Variants in SHB observed in about 807,000 individuals in gnomAD.
SHB encodes the protein SH2 domain containing adaptor protein B, also known as SH2 domain-containing adapter protein B.
Under a neutral mutation model 52.3 loss-of-function variants are expected in SHB, and 20 were observed. That is an observed-to-expected ratio of 0.38 (90% confidence interval 0.27 to 0.56). The LOEUF (loss-of-function observed/expected upper bound fraction) is 0.56, where lower values mean the gene tolerates loss of function less well. SHB is among the 20% of genes least tolerant of loss of function. The pLI is 0.71. For missense variants in SHB, 825 were observed against 723.3 expected (o/e 1.14, Z -1.61); for synonymous variants, 397 against 316.5 (o/e 1.25, Z -2.70).
At position 37,917,560 on chromosome 9, in the gene SHB, G is replaced by A. The variant is rs1228101186; in HGVS notation, c.*2261C>T. Among the ~76,000 whole-genome samples the A allele has an allele frequency of 4.6e-5, 7 of 152,336 alleles. No homozygotes were observed. The highest frequency in any genetic ancestry group is 1.4e-4 in the African/African-American group (6 of 41,580). On this transcript the variant is annotated 3_prime_UTR_variant, in exon 6 of 6. Transcript: ENST00000377707. ...GGTCTCACCCTCCTCCCCCGCCGGA[G>A]GGTTGTTCCCCCTCTTCCTCAGCCT... is the stretch of plus-strand genomic sequence containing the variant.
rs141120792 is a variant in SHB, at chr9:38,057,339, T to C, written c.717+10590A>G. ...ATATATATATGCAATGAAAAATGGCTAGATGAAAAAGTAGTAAAATGTTAA... is the reference window on the plus strand; with the variant it reads ...ATATATATATGCAATGAAAAATGGCCAGATGAAAAAGTAGTAAAATGTTAA... On this transcript the variant is annotated intron_variant, in intron 1 of 5. Coordinates refer to ENST00000377707, the MANE Select transcript of SHB (RefSeq NM_003028.3). 3.7e-4 allele frequency among the ~76,000 whole-genome samples: 56 copies of C among 152,308 alleles called. 1 individual carries two copies. The East Asian group carries it at 9.4e-3, about 26-fold the overall frequency.
chr9:37,939,223 GCAT>G (rs1480180815), intron 5 of SHB, among the ~76,000 whole-genome samples: 1 of 152,212 alleles, frequency 6.6e-6, no homozygotes, highest in African/African-American at 2.4e-5. Flanking sequence ...GATAGTCTCA[GCAT>G]CATCAGCCTA....
At chr9:38,011,172 A>C (rs1459323758) in intron 2 of SHB, among the ~76,000 whole-genome samples, 1 of 152,124 alleles carries the variant, frequency 6.6e-6, no homozygotes, top group African/African-American at 2.4e-5. Flanking sequence ...TGGGATCAAG[A>C]CCTGGGGAAG....
chr9:37,941,270 T>C (rs111853903), intron 5 of SHB, among the ~76,000 whole-genome samples: 10 of 152,344 alleles, frequency 6.6e-5, no homozygotes, highest in African/African-American at 2.2e-4. Flanking sequence ...TAAAGACATT[T>C]GAGCTACCAC....
In SHB at chr9:37,982,492, C is replaced by CA. The variant is rs762504251; in HGVS notation, c.839-7656dup. Reference sequence around the variant, plus strand: ...GGGGCAAAAGAGCAAAACTCCGTCTCAAAAAAAATGGATAAGTAGGCCGGG... The same window carrying CA: ...GGGGCAAAAGAGCAAAACTCCGTCTCAAAAAAAAATGGATAAGTAGGCCGGG... On this transcript the variant is annotated intron_variant, in intron 2 of 5. Transcript: ENST00000377707. Among the ~76,000 whole-genome samples, 11 of 151,426 alleles carry CA rather than the reference C, an allele frequency of 7.3e-5. No homozygotes were observed. In the East Asian group the frequency reaches 1.7e-3, roughly 24 times the overall value.
chr9:37,996,608 GT>G (rs2118028457), intron 2 of SHB, among the ~76,000 whole-genome samples: 1 of 152,332 alleles, frequency 6.6e-6, no homozygotes, highest in South Asian at 2.1e-4. Flanking sequence ...CAGACACAGA[GT>G]GTCCACTGAT....
chr9:37,955,627 G>A (rs1832621175), intron 4 of SHB, among the ~76,000 whole-genome samples: 1 of 151,038 alleles, frequency 6.6e-6, no homozygotes, highest in Admixed American at 6.6e-5. Flanking sequence ...ACAGGTGCAT[G>A]CCATCATACC....
In SHB at chr9:38,068,209, G is replaced by A. The variant is rs1161096752; in HGVS notation, c.437C>T (p.Ala146Val). The change falls in exon 1 of 6, where the codon GCG becomes GTG. Residue 146 changes from alanine (A) to valine (V), a missense_variant. Physicochemically the swap from Ala to Val is moderately conservative, Grantham distance 64. Coordinates refer to ENST00000377707, the MANE Select transcript of SHB (RefSeq NM_003028.3). ...AAGCCCASSG[A>V]GAAASSSSSS... ...CGAGGACGAGGACGCGGCGGCCCCC[G>A]CGCCCGAGGAGGCGCAGCAACAGCC... The A allele has an allele frequency of 7.2e-7, 1 of 1,396,222 alleles. No homozygotes were observed. Among genetic ancestry groups the A allele is most frequent in the Admixed American group, 3.8e-5 (1 of 26,612 alleles). The allele number at this position is 1,396,222 out of a possible 1,614,324, so 86.5% of individuals were successfully genotyped here.
chr9:37,957,098 G>C (rs1289917445), intron 3 of SHB, among the ~76,000 whole-genome samples: 1 of 152,208 alleles, frequency 6.6e-6, no homozygotes, highest in Admixed American at 6.5e-5. Context: ...GTGAAGGTCA[G>C]ATAAGAGGAT....
intron 4 of SHB, among the ~76,000 whole-genome samples, chr9:37,949,446 A>AG (rs1207535447): frequency 6.6e-6 from 1 of 152,058 alleles, no homozygotes; most frequent in African/African-American, 2.4e-5. Flanking sequence ...AAAAGAAGAA[A>AG]GAAAAAAAAA....
chr9:38,062,809 T>C (rs949865528), intron 1 of SHB, among the ~76,000 whole-genome samples: 2 of 152,238 alleles, frequency 1.3e-5, no homozygotes, highest in Non-Finnish European at 2.9e-5. Context: ...GCTGCCTGTT[T>C]TTGTAAATAA....
intron 4 of SHB, among the ~76,000 whole-genome samples, chr9:37,951,916 C>T (rs1037746295): frequency 2.0e-5 from 3 of 152,332 alleles, no homozygotes; most frequent in Admixed American, 2.0e-4. Context: ...GGGCTACAGC[C>T]AACTGTTGGG....
At chr9:37,975,337 C>T (rs1820641940) in intron 2 of SHB, among the ~76,000 whole-genome samples, 1 of 152,208 alleles carries the variant, frequency 6.6e-6, no homozygotes, top group Non-Finnish European at 1.5e-5. Flanking sequence ...AGAGCCTCCC[C>T]AAGGAGACCA....
In SHB at chr9:38,068,104, G is replaced by C. The variant is rs1345204604; in HGVS notation, c.542C>G (p.Pro181Arg). 3 of 1,486,392 alleles carry C rather than the reference G, an allele frequency of 2.0e-6. No homozygotes were observed. The South Asian group carries it at 4.0e-5, about 20-fold the overall frequency. The allele number at this position is 1,486,392 out of a possible 1,614,324, so 92.1% of individuals were successfully genotyped here. ...ATPAEVRYISPKHRLIKVESA... is the reference protein window; with the variant it reads ...ATPAEVRYISRKHRLIKVESA... ...CTCCACTTTGATGAGGCGGTGCTTG[G>C]GGGAGATGTAGCGCACCTCGGCCGG... Residue 181 changes from proline (P) to arginine (R), a missense_variant, in exon 1 of 6, where the codon CCC (proline) becomes CGC (arginine). Pro to Arg is a moderately radical substitution (Grantham distance 103). Coordinates refer to ENST00000377707, the MANE Select transcript of SHB (RefSeq NM_003028.3).
At chr9:37,965,214 G>A (rs891480523) in intron 3 of SHB, among the ~76,000 whole-genome samples, 2 of 152,188 alleles carry the variant, frequency 1.3e-5, no homozygotes, top group Non-Finnish European at 2.9e-5. Flanking sequence ...AGTGGAGGTC[G>A]GGGGGACAAG....
chr9:37,976,746 TGTAA>T (rs1230328262), intron 2 of SHB, among the ~76,000 whole-genome samples: 1 of 152,212 alleles, frequency 6.6e-6, no homozygotes, highest in Non-Finnish European at 1.5e-5. Context: ...GGGTGAGGAC[TGTAA>T]GTGAGCTATT....
Position 38,015,214 on chromosome 9 carries a change from C to G in SHB, c.838+797G>C, listed in dbSNP as rs1313474995. Among the ~76,000 whole-genome samples the G allele has an allele frequency of 2.6e-5, 4 of 152,208 alleles. No homozygotes were observed. The East Asian group carries it at 7.7e-4, about 29-fold the overall frequency. On this transcript the variant is annotated intron_variant, in intron 2 of 5. Coordinates refer to ENST00000377707, the MANE Select transcript of SHB (RefSeq NM_003028.3). ...TGCTCTTCAGTGTCTGGCCTGCCCT[C>G]TTGAACCAGGAGAAGCCACAACAGG...
chr9:37,946,629 C>T (rs1832494398), intron 5 of SHB, among the ~76,000 whole-genome samples: 1 of 152,210 alleles, frequency 6.6e-6, no homozygotes, highest in East Asian at 1.9e-4. Flanking sequence ...CCCACCTCTG[C>T]CTAGAAGAAC....
At chr9:38,012,421 A>G (rs999566223) in intron 2 of SHB, among the ~76,000 whole-genome samples, 1 of 152,158 alleles carries the variant, frequency 6.6e-6, no homozygotes. Flanking sequence ...CCAAAGGGTA[A>G]TGGTGAGGAC....
Sources: gnomAD v4.1 joint callset for allele counts (sites outside exome capture counted in the v4.1 genomes callset) on GRCh38, gnomAD v4.1.1 for gene constraint, MANE v1.5 for transcripts, NCBI Gene and HGNC (gene_info 2026-07-23, HGNC 2026-07-21) for gene names.